Variants in SPATA9 observed in about 807,000 individuals in gnomAD.
The protein encoded by SPATA9 is spermatogenesis-associated protein 9.
SPATA9 carries 27 observed loss-of-function variants against 25.5 expected under a neutral mutation model. The ratio of observed to expected loss-of-function variants is 1.06; its 90% CI spans 0.78 to 1.46. The LOEUF is 1.46. Ranked by LOEUF, SPATA9 falls within the 40% of genes most tolerant of loss-of-function variation. SPATA9 has a pLI of 0.00. For missense variants in SPATA9, 282 were observed against 297.5 expected (o/e 0.95, Z 0.38); for synonymous variants, 102 against 105.7 (o/e 0.97, Z 0.21).
At chr5:95,656,555 G>T, downstream of SPATA9, 1 of 326,522 alleles carries the variant, frequency 3.1e-6, no homozygotes, top group Non-Finnish European at 5.5e-6. Context: ...GGTTTGGGAT[G>T]TTCTGTTTAA....
intron 3 of SPATA9, 123 bp from the exon 4 acceptor site, chr5:95,664,171 C>A (rs1346487496): frequency 2.1e-6 from 1 of 467,254 alleles, no homozygotes; most frequent in African/African-American, 2.0e-5. Context: ...TACTTTAGAG[C>A]TATCTGGGCT....
chr5:95,732,006 C>G, the SPATA9 span: 1 of 1,614,160 alleles, frequency 6.2e-7, no homozygotes, highest in Non-Finnish European at 8.5e-7. Context: ...CCAGCACGGT[C>G]GCGCGTCCGG....
chr5:95,703,047 G>A (rs73149695), upstream of SPATA9, among the ~76,000 whole-genome samples: 1 of 152,158 alleles, frequency 6.6e-6, no homozygotes, highest in Non-Finnish European at 1.5e-5. Flanking sequence ...CTAACTATAT[G>A]TTTGAGTATT....
upstream of SPATA9, among the ~76,000 whole-genome samples, chr5:95,703,478 A>G (rs1369285046): frequency 6.6e-6 from 1 of 152,058 alleles, no homozygotes; most frequent in Non-Finnish European, 1.5e-5. Context: ...CACTAAAAAT[A>G]CAGAAATTAG....
At chr5:95,683,621 T>A (rs1161949157), upstream of SPATA9, among the ~76,000 whole-genome samples, 1 of 152,170 alleles carries the variant, frequency 6.6e-6, no homozygotes, top group Non-Finnish European at 1.5e-5. Flanking sequence ...CACTGCAACC[T>A]CAGCCTCCCG....
intron 3 of SPATA9, among the ~76,000 whole-genome samples, chr5:95,672,031 A>T (rs1752437145): frequency 6.6e-6 from 1 of 152,152 alleles, no homozygotes; most frequent in Non-Finnish European, 1.5e-5. Context: ...CACGAACAAA[A>T]AGGGAACTAA....
the SPATA9 span, among the ~76,000 whole-genome samples, chr5:95,724,255 T>C: frequency 6.6e-6 from 1 of 152,244 alleles, no homozygotes; most frequent in Non-Finnish European, 1.5e-5. Context: ...TTCATGACTC[T>C]CATTTTTCAG....
At chr5:95,702,382 A>G (rs1301190397), upstream of SPATA9, among the ~76,000 whole-genome samples, 1 of 152,204 alleles carries the variant, frequency 6.6e-6, no homozygotes, top group Non-Finnish European at 1.5e-5. Context: ...CCATTTGCAG[A>G]GCACTTCCAG....
At chr5:95,661,330 T>A (rs6878786) in intron 4 of SPATA9, among the ~76,000 whole-genome samples, 1 of 152,124 alleles carries the variant, frequency 6.6e-6, no homozygotes, top group African/African-American at 2.4e-5. Flanking sequence ...TCTCTTGATA[T>A]GGTTCCACTC....
At chr5:95,679,788 T>C (rs1753268796) in intron 2 of SPATA9, among the ~76,000 whole-genome samples, 1 of 152,154 alleles carries the variant, frequency 6.6e-6, no homozygotes, top group African/African-American at 2.4e-5. Context: ...CATCTAGGAG[T>C]CCATTCTACA....
chr5:95,674,392 G>T (rs998598307), intron 3 of SPATA9, among the ~76,000 whole-genome samples: 12 of 152,132 alleles, frequency 7.9e-5, no homozygotes, highest in Admixed American at 7.9e-4. Context: ...GGATAAGCAG[G>T]TAATCAAGTT....
At chr5:95,703,825 A>C in the SPATA9 span, among the ~76,000 whole-genome samples, 2 of 78,684 alleles carry the variant, frequency 2.5e-5, no homozygotes, top group South Asian at 1.0e-3. Flanking sequence ...TTAAAAACCT[A>C]TAGGCATTAA....
intron 3 of SPATA9, among the ~76,000 whole-genome samples, chr5:95,665,092 G>C (rs1751647976): frequency 6.6e-6 from 1 of 151,884 alleles, no homozygotes; most frequent in Admixed American, 6.6e-5. Context: ...ACATTGTAAT[G>C]GTACATATTT....
intron 2 of SPATA9, among the ~76,000 whole-genome samples, chr5:95,677,683 A>G (rs1358509687): frequency 6.6e-6 from 1 of 152,202 alleles, no homozygotes. Context: ...AAGGGCATAA[A>G]ACTCCAAAAT....
At position 95,661,958 on chromosome 5, in the gene SPATA9, A is replaced by C. The variant is rs368464898; in HGVS notation, c.474+1995T>G. Among the ~76,000 whole-genome samples, 66 of 152,252 alleles carry C rather than the reference A, an allele frequency of 4.3e-4. No individual in the cohort carries two copies. The South Asian group carries it at 0.013, about 31-fold the overall frequency. ...AAAAATGATTAAAAGAAATTAAAGA[A>C]TATCAAAATAAGTAGAAGGATATAT... On this transcript the variant is annotated intron_variant, in intron 4 of 4. Transcript: ENST00000274432.
downstream of SPATA9, chr5:95,652,210 C>A: frequency 6.6e-7 from 1 of 1,505,590 alleles, no homozygotes; most frequent in Non-Finnish European, 8.9e-7. Flanking sequence ...ATTTGATTAG[C>A]AATAGATTGG....
downstream of SPATA9, chr5:95,655,965 G>T: frequency 7.5e-7 from 1 of 1,338,910 alleles, no homozygotes; most frequent in Non-Finnish European, 1.0e-6. Context: ...TTTTAACCTG[G>T]TTCTTCTGCA....
the SPATA9 span, among the ~76,000 whole-genome samples, chr5:95,707,346 C>A: frequency 1.3e-5 from 2 of 152,038 alleles, no homozygotes; most frequent in Non-Finnish European, 2.9e-5. Context: ...TTGTTGTACC[C>A]GAGCGAGTTA....
chr5:95,652,929 C>G (rs748912548), downstream of SPATA9: 14 of 714,126 alleles, frequency 2.0e-5, no homozygotes, highest in Admixed American at 3.5e-5. Context: ...AAAAAGAAAT[C>G]AATTCACACT....
Sources: allele counts gnomAD v4.1 joint callset (sites outside exome capture counted in the v4.1 genomes callset), GRCh38; gene constraint gnomAD v4.1.1; transcripts MANE v1.5; gene names NCBI Gene and HGNC (gene_info 2026-07-23, HGNC 2026-07-21).